DELE1: variants seen among roughly 807,000 people sequenced by gnomAD.
DELE1 encodes DAP3 binding cell death enhancer 1, also known as death ligand signal enhancer.
Under a neutral mutation model 59.3 loss-of-function variants are expected in DELE1, and 54 were observed. That is an observed-to-expected ratio of 0.91 (90% CI 0.73 to 1.14). The LOEUF is 1.14. Among genes scored for constraint, DELE1 ranks in the 50% most tolerant of loss-of-function variants. The pLI, the probability that DELE1 is intolerant of heterozygous loss-of-function variation, is 0.00. For missense variants in DELE1, 636 were observed against 643.9 expected (o/e 0.99, Z 0.13); for synonymous variants, 264 against 259.1 (o/e 1.02, Z -0.18).
rs199887534 is a variant in DELE1 at position 141,929,579 on chromosome 5, C to T, written c.413-3C>T. 74 of 1,613,138 alleles carry T rather than the reference C, an allele frequency of 4.6e-5. No homozygotes were observed. In the African/African-American group the frequency reaches 8.8e-4, roughly 19 times the overall value. On this transcript the variant is annotated splice_region_variant and splice_polypyrimidine_tract_variant and intron_variant, in intron 4 of 11. Coordinates refer to ENST00000432126, the MANE Select transcript of DELE1 (RefSeq NM_014773.5). ...CCTGACTACTCTTGCTGGCTCTTTC[C>T]AGCACTGCGACAACACATCCTCCCC...
chr5:141,937,241 G>A lies in DELE1; in HGVS notation c.1193G>A (p.Gly398Asp). ...RYHLGICYEKGLGVQRNLGEA... is the reference protein window; with the variant it reads ...RYHLGICYEKDLGVQRNLGEA... ...CACCTTGGAATTTGCTATGAGAAAG[G>A]CCTTGGTGTGCAGAGGAATCTGGGA... The change falls in exon 11 of 12, where the codon GGC becomes GAC. Residue 398 changes from glycine (G) to aspartate (D), a missense_variant. Gly to Asp is a moderately conservative substitution (Grantham distance 94, BLOSUM62 -1). Transcript: ENST00000432126. 1 of 1,614,204 alleles carries A rather than the reference G, an allele frequency of 6.2e-7. No homozygotes were observed. Among genetic ancestry groups the A allele is most frequent in the Admixed American group, 1.7e-5 (1 of 60,028 alleles).
Position 141,939,937 on chromosome 5 carries a change from C to G in DELE1, c.*1178C>G. Reference sequence around the variant, plus strand: ...ATGAGTCGCTGGGCCAGGGTGAGGACCTGGGCCTCCTGACTCCTGGCCCAG... The same window carrying G: ...ATGAGTCGCTGGGCCAGGGTGAGGAGCTGGGCCTCCTGACTCCTGGCCCAG... On this transcript the variant is annotated 3_prime_UTR_variant, in exon 12 of 12. Transcript: ENST00000432126. The G allele has an allele frequency of 2.3e-6, 2 of 881,118 alleles. No homozygotes were observed. The highest frequency in any genetic ancestry group is 2.7e-6 in the Non-Finnish European group (2 of 735,104). 54.6% of individuals were successfully genotyped at this position (881,118 alleles called of 1,614,324 possible). A position where few individuals can be genotyped will look rare whatever the true frequency, so the allele number is the denominator to read the frequency against.
At chr5:141,937,465 T>A in intron 11 of DELE1, 108 bp downstream of exon 11, 1 of 1,329,494 alleles carries the variant, frequency 7.5e-7, no homozygotes, top group Non-Finnish European at 1.0e-6. Context: ...CCAACCCCAG[T>A]GGTGGCTAAG....
chr5:141,939,258 T>A lies in DELE1; in HGVS notation c.*499T>A. On this transcript the variant is annotated 3_prime_UTR_variant, in exon 12 of 12. Coordinates refer to ENST00000432126, the MANE Select transcript of DELE1 (RefSeq NM_014773.5). Reference sequence around the variant, plus strand: ...AAAATATGATTAGCATATTGACCTGTAGTTTGATAGATGTTCTGTCTAGGA... The same window carrying A: ...AAAATATGATTAGCATATTGACCTGAAGTTTGATAGATGTTCTGTCTAGGA... The A allele has an allele frequency of 1.9e-6, 1 of 537,872 alleles. No homozygotes were observed. Among genetic ancestry groups the A allele is most frequent in the Non-Finnish European group, 2.4e-6 (1 of 421,562 alleles). 33.3% of individuals were successfully genotyped at this position (537,872 alleles called of 1,614,324 possible). A position where few individuals can be genotyped will look rare whatever the true frequency, so the allele number is the denominator to read the frequency against.
In DELE1 at chr5:141,923,911, G is replaced by T. The variant is rs772358445; in HGVS notation, c.-31G>T. 11 of 1,592,616 alleles carry T rather than the reference G, an allele frequency of 6.9e-6. No homozygotes were observed. In the African/African-American group the frequency reaches 1.5e-4, roughly 21 times the overall value. On this transcript the variant is annotated 5_prime_UTR_variant, in exon 1 of 12. Transcript: ENST00000432126. ...CCCAAGGGTTGGTCTCGCGCTTTCGGCTGCGAGCTCTCTGTGGTGCTGGCA... is the reference window on the plus strand; with the variant it reads ...CCCAAGGGTTGGTCTCGCGCTTTCGTCTGCGAGCTCTCTGTGGTGCTGGCA...
At chr5:141,936,498 G>A (rs559032849) in intron 10 of DELE1, among the ~76,000 whole-genome samples, 2 of 152,182 alleles carry the variant, frequency 1.3e-5, no homozygotes, top group African/African-American at 2.4e-5. Context: ...GCAGTGGCGC[G>A]ATCTCAGCGC....
Position 141,930,196 on chromosome 5 carries a change from A to T in DELE1, c.676A>T (p.Thr226Ser). ...TTCCCAGGAACAAGATAAATCAAAA[A>T]CTCTTTCCCTTGAGGAGGCTGTGAC... Reference protein sequence around the residue: ...TGEKEQDKSKTLSLEEAVTSI... With the variant: ...TGEKEQDKSKSLSLEEAVTSI... Residue 226 changes from threonine to serine, a missense_variant, in exon 7 of 12, where the codon ACT becomes TCT. Transcript: ENST00000432126. 1.2e-6 allele frequency: 2 copies of T among 1,613,552 alleles called. No homozygotes were observed. Among genetic ancestry groups the T allele is most frequent in the Non-Finnish European group, 1.7e-6 (2 of 1,179,694 alleles).
At chr5:141,930,917 A>T (rs1751856468) in intron 7 of DELE1, among the ~76,000 whole-genome samples, 1 of 152,204 alleles carries the variant, frequency 6.6e-6, no homozygotes, top group Non-Finnish European at 1.5e-5. Flanking sequence ...GGATTCATTC[A>T]CAACAAATTT....
chr5:141,924,703 AC>A lies in DELE1; in HGVS notation c.146+9del. 1.3e-6 allele frequency: 2 copies of A among 1,546,618 alleles called. No individual in the cohort carries two copies. Among genetic ancestry groups the A allele is most frequent in the Non-Finnish European group, 1.8e-6 (2 of 1,119,186 alleles). On this transcript the variant is annotated intron_variant, in intron 2 of 11. Coordinates refer to ENST00000432126, the MANE Select transcript of DELE1 (RefSeq NM_014773.5). ...TGTGCCTAACCTCGACAGGTAAGAT[AC>A]TGCCATTTTACCACTCATTTCCTCC...
intron 5 of DELE1, 45 bp downstream of exon 5, chr5:141,929,785 G>A: frequency 6.2e-7 from 1 of 1,607,666 alleles, no homozygotes; most frequent in Non-Finnish European, 8.5e-7. Flanking sequence ...GGGGGCGGTG[G>A]TGGTGAGCTG....
rs1751884699 is a variant in DELE1, at chr5:141,940,017, C to T, written c.*1258C>T. 4 of 985,380 alleles carry T rather than the reference C, an allele frequency of 4.1e-6. No homozygotes were observed. Among genetic ancestry groups the T allele is most frequent in the Non-Finnish European group, 4.8e-6 (4 of 829,886 alleles). The allele number at this position is 985,380 out of a possible 1,614,324, so 61.0% of individuals were successfully genotyped here. A position where few individuals can be genotyped will look rare whatever the true frequency, so the allele number is the denominator to read the frequency against. On this transcript the variant is annotated 3_prime_UTR_variant, in exon 12 of 12. Coordinates refer to ENST00000432126, the MANE Select transcript of DELE1 (RefSeq NM_014773.5). ...TTTATGTGAAAGCATTATGACTGTCCTACCCATGGGAGAGTAAATGTAGAT... is the reference window on the plus strand; with the variant it reads ...TTTATGTGAAAGCATTATGACTGTCTTACCCATGGGAGAGTAAATGTAGAT...
Position 141,924,574 on chromosome 5 carries a change from TGTACAGCTCTTCCCC to T in DELE1, c.32-1_45del, listed in dbSNP as rs745785383. On this transcript the variant is annotated splice_acceptor_variant and splice_polypyrimidine_tract_variant and coding_sequence_variant and intron_variant, in exon 2 of 12. Transcript: ENST00000432126. LOFTEE classifies it high-confidence loss of function. The stretch of plus-strand genomic sequence containing the variant: ...TGAGGTGCCTGAGTTTTGGTTGTTC[TGTACAGCTCTTCCCC>T]GTACACTGGGACCTAGCCTCTGGAG... 15 of 1,586,296 alleles carry T rather than the reference TGTACAGCTCTTCCCC, an allele frequency of 9.5e-6. No homozygotes were observed. The South Asian group carries it at 1.0e-4, about 11-fold the overall frequency.
intron 2 of DELE1, 144 bp from the exon 3 acceptor site, chr5:141,925,266 T>C: frequency 2.1e-6 from 1 of 469,338 alleles, no homozygotes; most frequent in Non-Finnish European, 3.9e-6. Context: ...TTTCACCATC[T>C]TGACCAGGCT....
At chr5:141,938,116 G>A (rs978948438) in intron 11 of DELE1, among the ~76,000 whole-genome samples, 1 of 152,016 alleles carries the variant, frequency 6.6e-6, no homozygotes, top group African/African-American at 2.4e-5. Flanking sequence ...GTGAGCCACC[G>A]CGCCCAGTCA....
Position 141,939,203 on chromosome 5 carries a change from T to TA in DELE1, c.*445dup, listed in dbSNP as rs1752596478. On this transcript the variant is annotated 3_prime_UTR_variant, in exon 12 of 12. Transcript: ENST00000432126. ...AGATGGTATTCAAATTAATATTTTCTATTTAGTTATATATTTAATGTATAA... is the reference window on the plus strand; with the variant it reads ...AGATGGTATTCAAATTAATATTTTCTAATTTAGTTATATATTTAATGTATAA... 3 of 689,222 alleles carry TA rather than the reference T, an allele frequency of 4.4e-6. No homozygotes were observed. In the East Asian group the frequency reaches 4.0e-4, roughly 92 times the overall value. 42.7% of individuals were successfully genotyped at this position (689,222 alleles called of 1,614,324 possible).
intron 8 of DELE1, 93 bp downstream of exon 8, chr5:141,933,494 CT>C: frequency 2.0e-6 from 2 of 999,014 alleles, no homozygotes; most frequent in South Asian, 3.5e-5. Context: ...GAAAGTTTGG[CT>C]TCTTTTCTCC....
In DELE1 at chr5:141,940,309, T is replaced by C. The variant is rs1344269093; in HGVS notation, c.*1550T>C. ...GAGACTTAGGAAAAAAAAAGATTTC[T>C]GAGTCAGTGCTAATGAGTCCAGTTA... is the stretch of plus-strand genomic sequence containing the variant. On this transcript the variant is annotated 3_prime_UTR_variant, in exon 12 of 12. Coordinates refer to ENST00000432126, the MANE Select transcript of DELE1 (RefSeq NM_014773.5). 1.0e-6 allele frequency: 1 copy of C among 985,410 alleles called. No individual in the cohort carries two copies. The highest frequency in any genetic ancestry group is 1.2e-6 in the Non-Finnish European group (1 of 829,942). 61.0% of individuals were successfully genotyped at this position (985,410 alleles called of 1,614,324 possible). A position where few individuals can be genotyped will look rare whatever the true frequency, so the allele number is the denominator to read the frequency against.
At chr5:141,924,447 T>A in intron 1 of DELE1, 134 bp from the exon 2 acceptor site, 1 of 648,268 alleles carries the variant, frequency 1.5e-6, no homozygotes, top group African/African-American at 1.8e-5. Context: ...TTATTGGTTC[T>A]GGGGTACTAC....
In DELE1 at chr5:141,937,244, T is replaced by C; in HGVS notation, c.1196T>C (p.Leu399Pro). The C allele has an allele frequency of 1.9e-6, 3 of 1,614,198 alleles. No homozygotes were observed. The highest frequency in any genetic ancestry group is 1.7e-6 in the Non-Finnish European group (2 of 1,180,038). ...YHLGICYEKG[L>P]GVQRNLGEAL... ...CTTGGAATTTGCTATGAGAAAGGCC[T>C]TGGTGTGCAGAGGAATCTGGGAGAG... The change falls in exon 11 of 12, where the codon CTT (leucine) becomes CCT (proline). Residue 399 changes from leucine to proline, a missense_variant. Transcript: ENST00000432126.
Sources: gnomAD v4.1 joint callset for allele counts (sites outside exome capture counted in the v4.1 genomes callset) on GRCh38, gnomAD v4.1.1 for gene constraint, MANE v1.5 for transcripts, NCBI Gene and HGNC (gene_info 2026-07-23, HGNC 2026-07-21) for gene names.